Variants in ITSN2 observed in about 807,000 individuals in gnomAD.
ITSN2 encodes intersectin-2.
A neutral mutation model predicts 243.7 loss-of-function variants in ITSN2; 156 were observed. That is an observed-to-expected ratio of 0.64 (90% CI 0.56 to 0.73). The LOEUF (loss-of-function observed/expected upper bound fraction) is 0.73, where lower values mean the gene tolerates loss of function less well. Ranked by LOEUF, ITSN2 falls within the 30% of genes least tolerant of loss-of-function variation. The pLI, the probability that ITSN2 is intolerant of heterozygous loss-of-function variation, is 0.00. For synonymous variants in ITSN2, 703 were observed against 699.9 expected (o/e 1.00, Z -0.07); for missense variants, 1,801 against 1,996.1 (o/e 0.90, Z 1.86).
intron 30 of ITSN2, chr2:24,220,722 C>A: frequency 1.5e-6 from 2 of 1,341,770 alleles, no homozygotes; most frequent in Non-Finnish European, 1.9e-6. Context: ...GTGACCTCAT[C>A]TGGGGGAAAG....
intron 23 of ITSN2, among the ~76,000 whole-genome samples, chr2:24,257,463 CT>C (rs753142480): frequency 4.3e-4 from 63 of 145,740 alleles, no homozygotes; most frequent in African/African-American, 3.0e-4. Context: ...TTTCTTTTTT[CT>C]TTTTTTTTTT....
At chr2:24,248,941 T>A in intron 25 of ITSN2, 59 bp from the exon 26 acceptor site, 1 of 1,484,342 alleles carries the variant, frequency 6.7e-7, no homozygotes, top group South Asian at 1.2e-5. Context: ...TGTAAAAGTA[T>A]AAAGGTTAAT....
chr2:24,354,418 G>C (rs1265471154), intron 1 of ITSN2, among the ~76,000 whole-genome samples: 2 of 152,190 alleles, frequency 1.3e-5, no homozygotes, highest in Non-Finnish European at 2.9e-5. Context: ...TTCCTTTCCA[G>C]TCACGGTGTA....
intron 2 of ITSN2, 27 bp from the exon 3 acceptor site, chr2:24,315,251 G>A: frequency 1.6e-6 from 2 of 1,260,552 alleles, no homozygotes; most frequent in Admixed American, 1.8e-5. Flanking sequence ...AGAAACTATA[G>A]TGTATACATG....
rs749659099 is a variant in ITSN2, at chr2:24,286,296, T to G, written c.1779A>C (p.Gln593His). 2 of 1,607,346 alleles carry G rather than the reference T, an allele frequency of 1.2e-6. No homozygotes were observed. Among genetic ancestry groups the G allele is most frequent in the East Asian group, 2.2e-5 (1 of 44,724 alleles). Residue 593 changes from glutamine to histidine, a missense_variant, in exon 16 of 40, where the codon CAA becomes CAC. By Grantham distance (24) the Gln-to-His change is conservative. Transcript: ENST00000355123. ...GAGCATCTAACTGTTCTTTAAGTCTTTGGCATAATTCTTCCTTTTCTAATG... is the reference window on the plus strand; with the variant it reads ...GAGCATCTAACTGTTCTTTAAGTCTGTGGCATAATTCTTCCTTTTCTAATG... ...KKSLEKEELC[Q>H]RLKEQLDALE...
At chr2:24,217,884 G>C (rs1183115459) in intron 31 of ITSN2, 23 bp downstream of exon 31, 1 of 1,545,700 alleles carries the variant, frequency 6.5e-7, no homozygotes, top group South Asian at 1.1e-5. Flanking sequence ...CAGCGGCAAT[G>C]ACAGGTGATG....
rs549800510 is a variant in ITSN2, at chr2:24,311,993, A to G, written c.352+219T>C. Among the ~76,000 whole-genome samples, 33 of 152,302 alleles carry G rather than the reference A, an allele frequency of 2.2e-4. No homozygotes were observed. In the Middle Eastern group the frequency reaches 0.01, roughly 47 times the overall value. On this transcript the variant is annotated intron_variant, in intron 5 of 39. Coordinates refer to ENST00000355123, the MANE Select transcript of ITSN2 (RefSeq NM_006277.3). ...GGAGACACTAACTGGACCAGATGCC[A>G]GGACAAAAGGCATAAATCAGAACTG...
Position 24,203,778 on chromosome 2 carries a change from G to A in ITSN2, c.4942C>T (p.Leu1648=), listed in dbSNP as rs779362336. Residue 1648 remains leucine (L), a synonymous_variant, in exon 40 of 40, where the codon CTG becomes TTG. Transcript: ENST00000355123. ...GCCACTGGAATTTCAGTACGACCCA[G>A]GAAATCTGGTGAATAAACACAGGAG... ...DRDQFSPDDF[L]GRTEIPVAKI... 3 of 1,613,208 alleles carry A rather than the reference G, an allele frequency of 1.9e-6. No individual in the cohort carries two copies. The highest frequency in any genetic ancestry group is 2.5e-6 in the Non-Finnish European group (3 of 1,179,506).
rs141338659 is a variant in ITSN2, at chr2:24,235,431, A to T, written c.3577+10698T>A. Among the ~76,000 whole-genome samples the T allele has an allele frequency of 4.6e-3, 693 of 152,306 alleles. 8 individuals carry two copies. Among genetic ancestry groups the T allele is most frequent in the Non-Finnish European group, 7.8e-3 (532 of 68,018 alleles). On this transcript the variant is annotated intron_variant, in intron 29 of 39. Coordinates refer to ENST00000355123, the MANE Select transcript of ITSN2 (RefSeq NM_006277.3). ...GCTGTATGTCATTACCCATTTGTAC[A>T]ATCCCACAGAATGCACAGCACCAAG...
At chr2:24,293,829 GT>G (rs991290166) in intron 14 of ITSN2, 54 bp from the exon 15 acceptor site, 19 of 540,414 alleles carry the variant, frequency 3.5e-5, no homozygotes, top group East Asian at 6.4e-5. Flanking sequence ...TTGTCCAAGA[GT>G]TTTTTTTGAA....
intron 28 of ITSN2, 118 bp downstream of exon 28, chr2:24,246,679 A>C (rs1216768657): frequency 1.5e-6 from 1 of 671,396 alleles, no homozygotes; most frequent in Non-Finnish European, 2.5e-6. Context: ...GTCCCTTTTA[A>C]GCAGACATAA....
At chr2:24,208,977 AAG>A in intron 36 of ITSN2, 121 bp downstream of exon 36, 1 of 1,078,710 alleles carries the variant, frequency 9.3e-7, no homozygotes, top group Non-Finnish European at 1.4e-6. Context: ...GGGATGTGTT[AAG>A]AGAGGTTCAG....
In ITSN2 at chr2:24,337,279, A is replaced by ATGTGTGTGTGTG. The variant is rs761971519; in HGVS notation, c.-33-9165_-33-9164insCACACACACACA. On this transcript the variant is annotated intron_variant, in intron 1 of 39. Coordinates refer to ENST00000355123, the MANE Select transcript of ITSN2 (RefSeq NM_006277.3). ...CCTGCAGGCGTGTGTGTCTATATGT[A>ATGTGTGTGTGTG]TGTATGTGTGTGTGTGTGTGTGTGT... Among the ~76,000 whole-genome samples the ATGTGTGTGTGTG allele has an allele frequency of 3.3e-4, 32 of 97,928 alleles. 1 individual carries two copies. Among genetic ancestry groups the ATGTGTGTGTGTG allele is most frequent in the African/African-American group, 1.1e-3 (30 of 26,930 alleles). 64.2% of individuals were successfully genotyped at this position (97,928 alleles called of 152,430 possible).
At chr2:24,286,537 G>C (rs556810458) in intron 15 of ITSN2, among the ~76,000 whole-genome samples, 186 bp from the exon 16 acceptor site, 1 of 152,202 alleles carries the variant, frequency 6.6e-6, no homozygotes, top group Non-Finnish European at 1.5e-5. Context: ...GCTGGAAAGA[G>C]CATCAGAGGA....
At position 24,257,921 on chromosome 2, in the gene ITSN2, T is replaced by C; in HGVS notation, c.2855A>G (p.Lys952Arg). The C allele has an allele frequency of 6.2e-7, 1 of 1,614,144 alleles. No individual in the cohort carries two copies. The highest frequency in any genetic ancestry group is 8.5e-7 in the Non-Finnish European group (1 of 1,179,988). The change falls in exon 23 of 40, where the codon AAG becomes AGG. Residue 952 changes from lysine to arginine, a missense_variant. This residue lies in a region of ITSN2 where 928 missense variants were observed against 1,065.4 expected (regional missense o/e 0.87). Transcript: ENST00000355123. Reference protein sequence around the residue: ...GRGWFPKSYVKIIPGSEVKRE... With the variant: ...GRGWFPKSYVRIIPGSEVKRE... ...TTTTACTTCACTCCCAGGAATGATC[T>C]TGACATAAGATTTGGGAAACCATCC... is the stretch of plus-strand genomic sequence containing the variant.
At position 24,298,726 on chromosome 2, in the gene ITSN2, T is replaced by G. The variant is rs372590104; in HGVS notation, c.1433A>C (p.Gln478Pro). The change falls in exon 13 of 40, where the codon CAA (glutamine) becomes CCA (proline). Residue 478 changes from glutamine to proline, a missense_variant. By Grantham distance (76) the Gln-to-Pro change is moderately conservative. Around this residue, in one of 5 missense-constraint regions of ITSN2, gnomAD observed 787 missense variants for 803.9 expected, o/e 0.98. Transcript: ENST00000355123. ...QELLNQKNRE[Q>P]EEIVRLNSKK... ...AGAGTTTAACCTGACAATTTCTTCT[T>G]GTTCTCTATTCTTTTGATTGAGAAG... The G allele has an allele frequency of 1.2e-6, 2 of 1,613,090 alleles. No individual in the cohort carries two copies. The highest frequency in any genetic ancestry group is 2.2e-5 in the South Asian group (2 of 90,868).
intron 15 of ITSN2, among the ~76,000 whole-genome samples, chr2:24,290,204 C>A (rs1558562184): frequency 6.6e-6 from 1 of 152,074 alleles, no homozygotes; most frequent in African/African-American, 2.4e-5. Context: ...TTTCTGCAAA[C>A]CCTCATCTAT....
chr2:24,223,103 G>C (rs2151160551), intron 29 of ITSN2, among the ~76,000 whole-genome samples: 1 of 152,290 alleles, frequency 6.6e-6, no homozygotes, highest in African/African-American at 2.4e-5. Context: ...CAGAAAACTG[G>C]GAAAGAGACG....
chr2:24,222,252 CAAAAAAAAAAAA>C (rs549424233), intron 29 of ITSN2, among the ~76,000 whole-genome samples: 10 of 64,974 alleles, frequency 1.5e-4, no homozygotes, highest in Admixed American at 4.1e-4. Context: ...ACTTCATCTC[CAAAAAAAAAAAA>C]AAAAAAAAAA....
Sources: gnomAD v4.1 joint callset for allele counts (sites outside exome capture counted in the v4.1 genomes callset) on GRCh38, gnomAD v4.1.1 for gene constraint, gnomAD v4.1.1 regional missense constraint, MANE v1.5 for transcripts, NCBI Gene and HGNC (gene_info 2026-07-23, HGNC 2026-07-21) for gene names.